Variants in DHRS12 observed in about 807,000 individuals in gnomAD.
DHRS12 encodes dehydrogenase/reductase SDR family member 12.
In DHRS12, 29 loss-of-function variants were observed where a neutral mutation model predicts 32.1. The ratio of observed to expected loss-of-function variants is 0.90; its 90% confidence interval spans 0.67 to 1.23. The LOEUF (loss-of-function observed/expected upper bound fraction) is 1.23. Among genes scored for constraint, DHRS12 ranks in the 50% most tolerant of loss-of-function variants. The pLI, the probability that DHRS12 is intolerant of heterozygous loss-of-function variation, is 0.00. For missense variants in DHRS12, 330 were observed against 337.2 expected, an observed-to-expected ratio of 0.98 and a Z score of 0.17; for synonymous variants, 150 against 135.9, an observed-to-expected ratio of 1.10 and a Z score of -0.72.
At position 51,791,560 on chromosome 13, in the gene DHRS12, A is replaced by C. The variant is rs569121568; in HGVS notation, c.127-303T>G. Among the ~76,000 whole-genome samples, 4 of 152,272 alleles carry C rather than the reference A, an allele frequency of 2.6e-5. No homozygotes were observed. The South Asian group carries it at 8.3e-4, about 32-fold the overall frequency. On this transcript the variant is annotated intron_variant, in intron 2 of 8. Coordinates refer to ENST00000444610, the MANE Select transcript of DHRS12 (RefSeq NM_001377533.1). ...TCTACATCCGTGTTTTTCACTTAAC[A>C]ATATGTCTTTTAGTTTTTGGTGGTA...
the DHRS12 span, chr13:51,758,217 G>A: frequency 6.3e-7 from 1 of 1,588,128 alleles, no homozygotes; most frequent in Non-Finnish European, 8.6e-7. Context: ...CACCTTCCAT[G>A]ACAGTAAACA....
chr13:51,771,799 G>A (rs1389741082), intron 7 of DHRS12, 22 bp downstream of exon 7: 2 of 1,612,514 alleles, frequency 1.2e-6, no homozygotes, highest in Non-Finnish European at 1.7e-6. Context: ...AAGTGGCTCA[G>A]CAATTAAAGG....
intron 5 of DHRS12, chr13:51,775,811 AT>A (rs1209683922): frequency 1.1e-5 from 1 of 88,494 alleles, no homozygotes; most frequent in African/African-American, 7.0e-5. Context: ...ATTCTCCTAC[AT>A]GTATTCTCCT....
chr13:51,758,278 C>G, the DHRS12 span: 10 of 1,595,200 alleles, frequency 6.3e-6, no homozygotes, highest in African/African-American at 1.3e-5. Context: ...TTACTGACTT[C>G]TGGAACTGAC....
chr13:51,772,972 G>A lies in DHRS12; in HGVS notation c.468+958C>T, dbSNP rs958232274. 14 of 985,478 alleles carry A rather than the reference G, an allele frequency of 1.4e-5. No homozygotes were observed. In the African/African-American group the frequency reaches 2.3e-4, roughly 16 times the overall value. 61.0% of individuals were successfully genotyped at this position (985,478 alleles called of 1,614,324 possible). A position where few individuals can be genotyped will look rare whatever the true frequency, so the allele number is the denominator to read the frequency against. ...GTCTCAGACAGGGCCACCTTCGGAA[G>A]GCACACAGCAGCGACAAGGAAGGCG... On this transcript the variant is annotated intron_variant, in intron 6 of 8. Transcript: ENST00000444610.
the DHRS12 span, among the ~76,000 whole-genome samples, chr13:51,757,293 A>C: frequency 6.6e-6 from 1 of 152,194 alleles, no homozygotes; most frequent in Non-Finnish European, 1.5e-5. Flanking sequence ...TAGAGAGTGC[A>C]AGAGACCTTA....
intron 6 of DHRS12, chr13:51,772,968 G>A (rs563067240): frequency 5.1e-6 from 5 of 985,482 alleles, no homozygotes; most frequent in South Asian, 9.4e-5. Context: ...GGCCACCTTC[G>A]GAAGGCACAC....
At chr13:51,767,776 T>TGGGG (rs1166765560), downstream of DHRS12, 2 of 32,100 alleles carry the variant, frequency 6.2e-5, no homozygotes, top group South Asian at 5.1e-4. Context: ...AGCCCTCTCC[T>TGGGG]GGGGCGGGGG....
In DHRS12 at chr13:51,804,093, C is replaced by T. The variant is rs957644774; in HGVS notation, c.-48G>A. 8.0e-6 allele frequency: 12 copies of T among 1,494,988 alleles called. No homozygotes were observed. In the Admixed American group the frequency reaches 1.1e-4, roughly 14 times the overall value. 92.6% of individuals were successfully genotyped at this position (1,494,988 alleles called of 1,614,324 possible). On this transcript the variant is annotated 5_prime_UTR_variant, in exon 1 of 9. Coordinates refer to ENST00000444610, the MANE Select transcript of DHRS12 (RefSeq NM_001377533.1). ...CAGCCCCTTGGCGAACCACACGACG[C>T]TGCGGTACAGGGACATGCCGGGAGC...
At chr13:51,756,728 A>C in the DHRS12 span, 2 of 799,558 alleles carry the variant, frequency 2.5e-6, no homozygotes, top group African/African-American at 3.7e-5. Flanking sequence ...CTGCTCCCAG[A>C]ACAAACCCTT....
At chr13:51,774,349 TG>T (rs1954229850) in intron 5 of DHRS12, 1 of 147,056 alleles carries the variant, frequency 6.8e-6, no homozygotes, top group South Asian at 2.1e-4. Context: ...TTCTCCTACA[TG>T]TATTCTCCTA....
the DHRS12 span, chr13:51,760,509 AT>A: frequency 6.6e-6 from 1 of 152,020 alleles, no homozygotes; most frequent in Non-Finnish European, 1.5e-5. Context: ...ACAGAAGTAG[AT>A]TATTTTAACT....
rs1259145925 is a variant in DHRS12, at chr13:51,769,286, C to A, written c.567G>T (p.Arg189Ser). The change falls in exon 8 of 9, where the codon AGG (arginine) becomes AGT (serine). Residue 189 changes from arginine (R) to serine (S), a missense_variant. Arg to Ser is a moderately radical substitution (Grantham distance 110). Transcript: ENST00000444610. The stretch of plus-strand genomic sequence containing the variant: ...TGGCGTGGAACCCCGGCATCGCCTG[C>A]CTCACACCTGGGAGAAGGAAGGGTC... The part of the protein sequence containing the change: ...HPGWADTPGV[R>S]QAMPGFHARF... 1 of 1,572,868 alleles carries A rather than the reference C, an allele frequency of 6.4e-7. No individual in the cohort carries two copies. Among genetic ancestry groups the A allele is most frequent in the East Asian group, 2.3e-5 (1 of 43,264 alleles).
intron 4 of DHRS12, among the ~76,000 whole-genome samples, chr13:51,789,352 T>C (rs941833823): frequency 2.6e-5 from 4 of 152,208 alleles, no homozygotes; most frequent in Non-Finnish European, 4.4e-5. Flanking sequence ...ACTAAAAGCA[T>C]AGTACATTAG....
intron 2 of DHRS12, among the ~76,000 whole-genome samples, chr13:51,797,022 TC>T (rs1000601682): frequency 2.0e-5 from 3 of 152,176 alleles, no homozygotes; most frequent in Admixed American, 2.0e-4. Context: ...CCAGCTTCCC[TC>T]CTACAGGCCC....
intron 6 of DHRS12, among the ~76,000 whole-genome samples, chr13:51,772,306 C>T (rs1954064361): frequency 6.6e-6 from 1 of 152,034 alleles, no homozygotes; most frequent in Non-Finnish European, 1.5e-5. Context: ...TTCAGGCCCC[C>T]AGCACAGACC....
intron 7 of DHRS12, 45 bp from the exon 8 acceptor site, chr13:51,769,338 C>A: frequency 1.5e-5 from 20 of 1,348,572 alleles, no homozygotes; most frequent in South Asian, 6.4e-5. Flanking sequence ...CATTCTCCAG[C>A]AAATGTGGTT....
intron 4 of DHRS12, among the ~76,000 whole-genome samples, chr13:51,785,227 C>CA (rs1182137472): frequency 8.0e-5 from 12 of 150,394 alleles, no homozygotes; most frequent in African/African-American, 2.7e-4. Flanking sequence ...GACTCTGTCT[C>CA]AAAAAAAACC....
intron 5 of DHRS12, chr13:51,776,650 T>G (rs1954420794): frequency 4.8e-6 from 1 of 207,280 alleles, no homozygotes; most frequent in African/African-American, 2.3e-5. Context: ...ACTGTCTTCT[T>G]CCTGCTTTCT....
Sources: allele counts gnomAD v4.1 joint callset (sites outside exome capture counted in the v4.1 genomes callset), GRCh38; gene constraint gnomAD v4.1.1; transcripts MANE v1.5; gene names NCBI Gene and HGNC (gene_info 2026-07-23, HGNC 2026-07-21).